SNTG1: variants seen among roughly 807,000 people sequenced by gnomAD.
SNTG1 encodes syntrophin gamma 1, also known as gamma-1-syntrophin.
Under a neutral mutation model 74.7 loss-of-function variants are expected in SNTG1, and 39 were observed. That is an observed-to-expected ratio of 0.52 (90% CI 0.40 to 0.68). The LOEUF (loss-of-function observed/expected upper bound fraction) is 0.68. Among genes scored for constraint, SNTG1 ranks in the 30% least tolerant of loss-of-function variants. SNTG1 has a pLI of 0.00. For synonymous variants in SNTG1, 254 were observed against 217.1 expected, an observed-to-expected ratio of 1.17 and a Z score of -1.49; for missense variants, 685 against 609.5, an observed-to-expected ratio of 1.12 and a Z score of -1.30.
intron 2 of SNTG1, among the ~76,000 whole-genome samples, chr8:50,196,325 A>G (rs2083767288): frequency 6.6e-6 from 1 of 152,210 alleles, no homozygotes. Flanking sequence ...AGAATTAACA[A>G]GTACATGAGA....
At chr8:50,099,961 G>A (rs1014526800) in intron 1 of SNTG1, among the ~76,000 whole-genome samples, 1 of 151,748 alleles carries the variant, frequency 6.6e-6, no homozygotes, top group African/African-American at 2.4e-5. Flanking sequence ...TGATTCCTTG[G>A]CTTTTTTTAG....
At chr8:49,964,364 A>T (rs1413604494) in intron 1 of SNTG1, among the ~76,000 whole-genome samples, 2 of 152,104 alleles carry the variant, frequency 1.3e-5, no homozygotes, top group Non-Finnish European at 2.9e-5. Context: ...CAGATTTTAG[A>T]CTTGTCATTC....
intron 17 of SNTG1, among the ~76,000 whole-genome samples, chr8:50,740,782 A>G (rs2095541470): frequency 6.6e-6 from 1 of 152,098 alleles, no homozygotes; most frequent in Non-Finnish European, 1.5e-5. Context: ...ATAGTGGTGT[A>G]TATACACCAT....
intron 1 of SNTG1, among the ~76,000 whole-genome samples, chr8:49,924,649 G>A (rs1016238803): frequency 1.3e-5 from 2 of 152,050 alleles, no homozygotes; most frequent in African/African-American, 2.4e-5. Flanking sequence ...TTATGAGGGA[G>A]TTTAGACATT....
intron 2 of SNTG1, among the ~76,000 whole-genome samples, chr8:50,319,249 A>G (rs916920246): frequency 6.6e-6 from 1 of 152,152 alleles, no homozygotes; most frequent in African/African-American, 2.4e-5. Flanking sequence ...CTGTAATCCC[A>G]GCTACTCAGG....
At chr8:50,460,371 A>C (rs2093549521) in intron 8 of SNTG1, among the ~76,000 whole-genome samples, 1 of 151,580 alleles carries the variant, frequency 6.6e-6, no homozygotes, top group African/African-American at 2.4e-5. Flanking sequence ...TTCTTTAAGG[A>C]CTCTGGATAT....
At chr8:50,503,185 T>C (rs1359273315) in intron 9 of SNTG1, among the ~76,000 whole-genome samples, 1 of 152,174 alleles carries the variant, frequency 6.6e-6, no homozygotes, top group Admixed American at 6.5e-5. Context: ...CATCAGAATA[T>C]TTGGTGAATG....
chr8:50,413,211 T>C (rs1011015309), intron 4 of SNTG1, among the ~76,000 whole-genome samples: 3 of 152,214 alleles, frequency 2.0e-5, no homozygotes, highest in Admixed American at 1.3e-4. Context: ...TGATCAATCA[T>C]GTGCCCATCA....
chr8:50,011,321 G>T (rs369121716), intron 1 of SNTG1, among the ~76,000 whole-genome samples: 1 of 152,252 alleles, frequency 6.6e-6, no homozygotes, highest in Non-Finnish European at 1.5e-5. Flanking sequence ...ATTCTTGAAG[G>T]ATGAAAATAA....
Position 49,928,796 on chromosome 8 carries a change from T to G in SNTG1, c.-103+16565T>G, listed in dbSNP as rs558205255. On this transcript the variant is annotated intron_variant, in intron 1 of 18. Transcript: ENST00000642720. ...ATATTTTTTAAATCAGAAAATATTT[T>G]AAACAAAAAAGTAATAAAATGTTAT... 2.6e-5 allele frequency among the ~76,000 whole-genome samples: 4 copies of G among 152,230 alleles called. No individual in the cohort carries two copies. The East Asian group carries it at 7.7e-4, about 29-fold the overall frequency.
At chr8:50,316,226 G>A (rs145399380) in intron 2 of SNTG1, among the ~76,000 whole-genome samples, 6 of 151,998 alleles carry the variant, frequency 3.9e-5, no homozygotes, top group African/African-American at 9.7e-5. Context: ...TGGTAAACAC[G>A]GTAGAATCCA....
intron 15 of SNTG1, among the ~76,000 whole-genome samples, chr8:50,668,036 T>C (rs2095259062): frequency 6.6e-6 from 1 of 152,076 alleles, no homozygotes; most frequent in South Asian, 2.1e-4. Flanking sequence ...TTCCTCGTTC[T>C]GTCTATGAAC....
intron 17 of SNTG1, among the ~76,000 whole-genome samples, chr8:50,731,735 T>C (rs1045581855): frequency 1.3e-5 from 2 of 152,154 alleles, no homozygotes; most frequent in South Asian, 4.1e-4. Context: ...CTTTTCATCA[T>C]TAATATTCTT....
intron 8 of SNTG1, among the ~76,000 whole-genome samples, chr8:50,475,147 C>A (rs1379797605): frequency 2.6e-5 from 4 of 151,468 alleles, no homozygotes; most frequent in Non-Finnish European, 5.9e-5. Flanking sequence ...TTAATGGGTG[C>A]AGCACACCGA....
At chr8:50,100,488 G>C (rs964630712) in intron 1 of SNTG1, among the ~76,000 whole-genome samples, 3 of 151,974 alleles carry the variant, frequency 2.0e-5, no homozygotes, top group Non-Finnish European at 4.4e-5. Flanking sequence ...ACCCTGATTT[G>C]ATCACTATGC....
chr8:50,769,587 A>G (rs1368912231), intron 18 of SNTG1, among the ~76,000 whole-genome samples: 1 of 152,084 alleles, frequency 6.6e-6, no homozygotes, highest in East Asian at 1.9e-4. Flanking sequence ...TCCTGAAGCT[A>G]TACATATGTC....
chr8:50,484,102 C>CTTTTTCTT (rs1323657665), intron 8 of SNTG1, among the ~76,000 whole-genome samples: 1 of 110,848 alleles, frequency 9.0e-6, no homozygotes, highest in Non-Finnish European at 1.8e-5. Flanking sequence ...CTTTCTTTCT[C>CTTTTTCTT]TCTTTCTTTC....
intron 2 of SNTG1, among the ~76,000 whole-genome samples, chr8:50,179,638 T>A (rs554757109): frequency 2.0e-5 from 3 of 152,250 alleles, no homozygotes; most frequent in South Asian, 2.1e-4. Flanking sequence ...AATAGACGTT[T>A]TTCGAAGAAA....
At chr8:50,562,573 T>C (rs756598816) in intron 12 of SNTG1, among the ~76,000 whole-genome samples, 4 of 152,210 alleles carry the variant, frequency 2.6e-5, no homozygotes, top group Admixed American at 6.5e-5. Flanking sequence ...TTAGGACTTA[T>C]GACCTACAGA....
Sources: gnomAD v4.1 joint callset for allele counts (sites outside exome capture counted in the v4.1 genomes callset) on GRCh38, gnomAD v4.1.1 for gene constraint, MANE v1.5 for transcripts, NCBI Gene and HGNC (gene_info 2026-07-23, HGNC 2026-07-21) for gene names.